GKAP1: variants seen among roughly 807,000 people sequenced by gnomAD.
The protein encoded by GKAP1 is G kinase-anchoring protein 1.
GKAP1 carries 31 observed loss-of-function variants against 56.7 expected under a neutral mutation model. That is an observed-to-expected ratio of 0.55 (90% CI 0.41 to 0.74). GKAP1 has a LOEUF of 0.74. Among genes scored for constraint, GKAP1 ranks in the 30% least tolerant of loss-of-function variants. The pLI, the probability that GKAP1 is intolerant of heterozygous loss-of-function variation, is 0.00. For missense variants in GKAP1, 364 were observed against 402.3 expected, an observed-to-expected ratio of 0.90 and a Z score of 0.82; for synonymous variants, 151 against 138.6, an observed-to-expected ratio of 1.09 and a Z score of -0.63.
chr9:83,779,062 CCAT>C (rs920970028), intron 7 of GKAP1, among the ~76,000 whole-genome samples: 2 of 151,844 alleles, frequency 1.3e-5, no homozygotes, highest in Non-Finnish European at 2.9e-5. Context: ...AGCAGGTACA[CCAT>C]GTGTATCTGC....
At chr9:83,760,162 G>A (rs1201777565) in intron 8 of GKAP1, among the ~76,000 whole-genome samples, 1 of 152,022 alleles carries the variant, frequency 6.6e-6, no homozygotes, top group Non-Finnish European at 1.5e-5. Flanking sequence ...TTTCACCCAT[G>A]AAGACGTAAA....
intron 7 of GKAP1, among the ~76,000 whole-genome samples, chr9:83,775,043 C>T (rs562723562): frequency 1.2e-3 from 184 of 150,474 alleles, no homozygotes; most frequent in Non-Finnish European, 1.8e-3. Flanking sequence ...AAGTCTCACT[C>T]TGTCGCCCAT....
intron 7 of GKAP1, among the ~76,000 whole-genome samples, chr9:83,778,672 A>T (rs1943902285): frequency 6.6e-6 from 1 of 152,098 alleles, no homozygotes; most frequent in Admixed American, 6.6e-5. Flanking sequence ...TAATAAACCT[A>T]CACATGTACC....
At chr9:83,740,981 G>C (rs1943196775) in intron 12 of GKAP1, among the ~76,000 whole-genome samples, 1 of 151,968 alleles carries the variant, frequency 6.6e-6, no homozygotes, top group African/African-American at 2.4e-5. Context: ...AGTATGAATA[G>C]GTTTTTTGGA....
At chr9:83,743,113 A>G (rs1433115709) in intron 10 of GKAP1, among the ~76,000 whole-genome samples, 1 of 152,198 alleles carries the variant, frequency 6.6e-6, no homozygotes, top group Non-Finnish European at 1.5e-5. Flanking sequence ...CTGTGAGCCA[A>G]GATGGTGCCA....
At chr9:83,804,809 C>T (rs1587740202) in intron 3 of GKAP1, among the ~76,000 whole-genome samples, 2 of 145,202 alleles carry the variant, frequency 1.4e-5, no homozygotes, top group South Asian at 4.5e-4. Context: ...GTGAGGAGCC[C>T]CTCTGCCTGG....
intron 6 of GKAP1, among the ~76,000 whole-genome samples, chr9:83,780,935 T>C (rs1424293476): frequency 2.0e-5 from 3 of 152,232 alleles, no homozygotes; most frequent in Admixed American, 2.0e-4. Flanking sequence ...AATTGATATA[T>C]ATTTATAGAC....
intron 8 of GKAP1, among the ~76,000 whole-genome samples, chr9:83,761,705 T>C (rs1378687680): frequency 1.3e-5 from 2 of 152,104 alleles, no homozygotes; most frequent in Non-Finnish European, 2.9e-5. Flanking sequence ...AGATCATTCA[T>C]TATGACCAAG....
intron 8 of GKAP1, among the ~76,000 whole-genome samples, chr9:83,756,306 A>G (rs1943474330): frequency 1.3e-5 from 2 of 151,688 alleles, no homozygotes; most frequent in Non-Finnish European, 2.9e-5. Flanking sequence ...GTGATTCTCT[A>G]CTAAAAATAC....
rs112312713 is a variant in GKAP1, at chr9:83,772,781, T to C, written c.586-3811A>G. 6.6e-5 allele frequency among the ~76,000 whole-genome samples: 10 copies of C among 152,230 alleles called. 1 individual carries two copies. Among genetic ancestry groups the C allele is most frequent in the African/African-American group, 2.4e-4 (10 of 41,558 alleles). ...CACAAAAATGAGCAAAAAATTTGAATAGATATTTCCAGAAGATATAAGAAT... is the reference window on the plus strand; with the variant it reads ...CACAAAAATGAGCAAAAAATTTGAACAGATATTTCCAGAAGATATAAGAAT... On this transcript the variant is annotated intron_variant, in intron 7 of 12. Transcript: ENST00000376371.
intron 7 of GKAP1, among the ~76,000 whole-genome samples, chr9:83,774,736 A>AGGCT (rs1431927577): frequency 1.7e-5 from 2 of 114,876 alleles, no homozygotes; most frequent in African/African-American, 6.6e-5. Context: ...TTTGAGACAG[A>AGGCT]GGCTGGCTCT....
rs899607310 is a variant in GKAP1 at position 83,817,613 on chromosome 9, C to G, written c.-272G>C. On this transcript the variant is annotated 5_prime_UTR_variant, in exon 1 of 13. Coordinates refer to ENST00000376371, the MANE Select transcript of GKAP1 (RefSeq NM_025211.4). ...CGGGCGGCCGCACTGGGCGTTGGGA[C>G]TGGTCTGGGTCAAGTGTCGGCAGAG... is the stretch of plus-strand genomic sequence containing the variant. 4.0e-5 allele frequency: 6 copies of G among 151,504 alleles called. No homozygotes were observed. Among genetic ancestry groups the G allele is most frequent in the African/African-American group, 1.5e-4 (6 of 41,302 alleles). The allele number at this position is 151,504 out of a possible 1,614,324, so 9.4% of individuals were successfully genotyped here.
chr9:83,784,927 T>C, intron 5 of GKAP1, 89 bp from the exon 6 acceptor site: 1 of 1,108,988 alleles, frequency 9.0e-7, no homozygotes, highest in Non-Finnish European at 1.2e-6. Context: ...AAAGTTTATT[T>C]TTTAAAGATA....
At chr9:83,747,992 A>C (rs1370188391) in intron 10 of GKAP1, among the ~76,000 whole-genome samples, 2 of 151,924 alleles carry the variant, frequency 1.3e-5, no homozygotes, top group East Asian at 3.9e-4. Flanking sequence ...TCTTTTTTTC[A>C]ATTTTTTTTA....
intron 2 of GKAP1, among the ~76,000 whole-genome samples, chr9:83,812,226 C>A (rs1223110352): frequency 1.4e-5 from 2 of 147,284 alleles, no homozygotes; most frequent in Non-Finnish European, 3.0e-5. Flanking sequence ...CATACACACA[C>A]ACATGTATAC....
chr9:83,804,319 G>A (rs1449012498), intron 3 of GKAP1, among the ~76,000 whole-genome samples: 40 of 136,918 alleles, frequency 2.9e-4, no homozygotes, highest in Middle Eastern at 4.8e-3. Context: ...CACCCCGCCC[G>A]GCCAGCCGCC....
At chr9:83,761,641 G>A (rs1374110794) in intron 8 of GKAP1, among the ~76,000 whole-genome samples, 1 of 142,310 alleles carries the variant, frequency 7.0e-6, no homozygotes, top group African/African-American at 2.6e-5. Context: ...TATCTCTGAT[G>A]AATATTGATG....
At chr9:83,742,454 G>A in intron 11 of GKAP1, 76 bp downstream of exon 11, 1 of 896,604 alleles carries the variant, frequency 1.1e-6, no homozygotes, top group Non-Finnish European at 1.8e-6. Flanking sequence ...TTGATGAGCT[G>A]TATTTGTTAA....
chr9:83,775,647 C>A (rs562788145), intron 7 of GKAP1, among the ~76,000 whole-genome samples: 11 of 151,626 alleles, frequency 7.3e-5, no homozygotes, highest in Non-Finnish European at 1.3e-4. Flanking sequence ...AGGCCAAGGC[C>A]GGTAGATCAC....
Sources: gnomAD v4.1 joint callset for allele counts (sites outside exome capture counted in the v4.1 genomes callset) on GRCh38, gnomAD v4.1.1 for gene constraint, MANE v1.5 for transcripts, NCBI Gene and HGNC (gene_info 2026-07-23, HGNC 2026-07-21) for gene names.